The following ZNF385D variants were observed in gnomAD, a reference collection of about 807,000 sequenced individuals.
ZNF385D encodes zinc finger protein 385D.
In ZNF385D, 15 loss-of-function variants were observed where a neutral mutation model predicts 35.8. That is an observed-to-expected ratio of 0.42 (90% confidence interval 0.28 to 0.64). ZNF385D has a LOEUF of 0.64. Among genes scored for constraint, ZNF385D ranks in the 30% least tolerant of loss-of-function variants. The pLI is 0.23. For missense variants in ZNF385D, 474 were observed against 494.6 expected, an observed-to-expected ratio of 0.96 and a Z score of 0.39; for synonymous variants, 212 against 186.8, an observed-to-expected ratio of 1.13 and a Z score of -1.10.
chr3:21,768,340 GA>G (rs1419605429), intron 3 of ZNF385D, among the ~76,000 whole-genome samples: 1 of 151,984 alleles, frequency 6.6e-6, no homozygotes, highest in Non-Finnish European at 1.5e-5. Flanking sequence ...ATTAACATAA[GA>G]AATAAATTTG....
At chr3:21,813,632 TGAGAA>T (rs1391528667) in intron 3 of ZNF385D, among the ~76,000 whole-genome samples, 1 of 151,974 alleles carries the variant, frequency 6.6e-6, no homozygotes, top group East Asian at 1.9e-4. Flanking sequence ...TGAAATGAAG[TGAGAA>T]GAGAAGTTTA....
intron 2 of ZNF385D, among the ~76,000 whole-genome samples, chr3:21,615,588 C>A (rs1411257804): frequency 2.0e-5 from 3 of 151,992 alleles, no homozygotes; most frequent in Admixed American, 2.0e-4. Context: ...TATTCTCACC[C>A]CAATGTTCTT....
chr3:22,199,815 G>T (rs1326014441), intron 2 of ZNF385D, among the ~76,000 whole-genome samples: 2 of 152,092 alleles, frequency 1.3e-5, no homozygotes, highest in Non-Finnish European at 2.9e-5. Flanking sequence ...ATGCATATAT[G>T]TGGTGTATAC....
intron 7 of ZNF385D, among the ~76,000 whole-genome samples, chr3:21,422,906 C>T (rs1700811401): frequency 6.6e-6 from 1 of 152,158 alleles, no homozygotes; most frequent in African/African-American, 2.4e-5. Context: ...AAGCTGGAAG[C>T]ATTACCCTTA....
intron 2 of ZNF385D, among the ~76,000 whole-genome samples, chr3:22,178,866 G>C (rs1211632156): frequency 1.3e-5 from 2 of 151,962 alleles, no homozygotes; most frequent in Non-Finnish European, 2.9e-5. Flanking sequence ...TCTTGTTTTT[G>C]CCAGGTTTGT....
intron 1 of ZNF385D, among the ~76,000 whole-genome samples, chr3:21,731,364 G>C (rs1368804238): frequency 6.6e-6 from 1 of 151,826 alleles, no homozygotes; most frequent in Admixed American, 6.6e-5. Context: ...AGCAGTTTTA[G>C]GCTCACAGCC....
chr3:21,761,934 A>G (rs2070634089), intron 3 of ZNF385D, among the ~76,000 whole-genome samples: 1 of 119,826 alleles, frequency 8.3e-6, no homozygotes, highest in African/African-American at 3.3e-5. Flanking sequence ...GTTGGAGTGC[A>G]GTGGCGCGAT....
rs191196452 is a variant in ZNF385D, at chr3:22,131,707, T to C, written c.325+37110A>G. Among the ~76,000 whole-genome samples the C allele has an allele frequency of 3.7e-4, 56 of 152,274 alleles. 1 individual carries two copies. Among genetic ancestry groups the C allele is most frequent in the Non-Finnish European group, 6.5e-4 (44 of 68,016 alleles). Reference sequence around the variant, plus strand: ...GCATATGACTACAGATCCAGGCAGCTAGGGAGATATCACAGAGGGAGTTTT... The same window carrying C: ...GCATATGACTACAGATCCAGGCAGCCAGGGAGATATCACAGAGGGAGTTTT... On this transcript the variant is annotated intron_variant, in intron 3 of 5. Coordinates refer to the ZNF385D transcript ENST00000494108.
chr3:21,624,699 C>T (rs770874988), intron 2 of ZNF385D, among the ~76,000 whole-genome samples: 22 of 152,036 alleles, frequency 1.4e-4, no homozygotes, highest in Non-Finnish European at 2.5e-4. Flanking sequence ...GAAGACCCAA[C>T]TCAAGCAGCA....
chr3:21,874,616 A>G (rs1290212387), intron 3 of ZNF385D, among the ~76,000 whole-genome samples: 1 of 152,088 alleles, frequency 6.6e-6, no homozygotes, highest in Admixed American at 6.6e-5. Context: ...GCTTTGTAAT[A>G]TGTTTCAAAA....
At chr3:21,546,838 C>T (rs2125583214) in intron 3 of ZNF385D, among the ~76,000 whole-genome samples, 1 of 4,694 alleles carries the variant, frequency 2.1e-4, no homozygotes, top group South Asian at 2.3e-3. Context: ...ATTCTCTAGC[C>T]CCCCCCGCTT....
chr3:22,087,547 T>C (rs1404677731), intron 3 of ZNF385D, among the ~76,000 whole-genome samples: 1 of 152,082 alleles, frequency 6.6e-6, no homozygotes, highest in Non-Finnish European at 1.5e-5. Flanking sequence ...ACCAGGGAGA[T>C]TTTTCTTGGA....
intron 1 of ZNF385D, among the ~76,000 whole-genome samples, chr3:21,708,146 T>A (rs2067975113): frequency 6.6e-6 from 1 of 152,242 alleles, no homozygotes; most frequent in African/African-American, 2.4e-5. Context: ...ATCCTAAGCA[T>A]CAGTTTAAAT....
At chr3:21,911,829 G>C (rs1445843262) in intron 3 of ZNF385D, among the ~76,000 whole-genome samples, 1 of 151,820 alleles carries the variant, frequency 6.6e-6, no homozygotes, top group Non-Finnish European at 1.5e-5. Context: ...TAGACAAGTG[G>C]TGCTTTATAA....
intron 2 of ZNF385D, among the ~76,000 whole-genome samples, chr3:21,603,628 T>C (rs1031455395): frequency 6.6e-6 from 1 of 151,848 alleles, no homozygotes; most frequent in African/African-American, 2.4e-5. Flanking sequence ...CTAATATGAT[T>C]ACATTTGTTT....
chr3:22,070,870 T>G (rs1324820420), intron 3 of ZNF385D, among the ~76,000 whole-genome samples: 4 of 152,176 alleles, frequency 2.6e-5, no homozygotes, highest in Admixed American at 2.6e-4. Context: ...TCACTTTTGT[T>G]AAGTTTTCTT....
intron 3 of ZNF385D, among the ~76,000 whole-genome samples, chr3:21,893,515 A>C (rs564118544): frequency 6.6e-6 from 1 of 152,296 alleles, no homozygotes; most frequent in African/African-American, 2.4e-5. Context: ...AAGGCTACTT[A>C]ACTAGCCTTT....
At position 21,661,734 on chromosome 3, in the gene ZNF385D, T is replaced by C. The variant is rs143648857; in HGVS notation, c.165+3152A>G. On this transcript the variant is annotated intron_variant, in intron 2 of 7. Coordinates refer to ENST00000281523, the MANE Select transcript of ZNF385D (RefSeq NM_024697.3). ...AGCTTCTGTTGTGGCTCCTTAAAAG[T>C]TGGCTTTGAGGAGACTAAGGGATCC... Among the ~76,000 whole-genome samples the C allele has an allele frequency of 8.8e-4, 134 of 152,282 alleles. 1 individual carries two copies. In the Middle Eastern group the frequency reaches 0.01, roughly 12 times the overall value.
At chr3:21,432,848 T>G (rs1701362493) in intron 5 of ZNF385D, among the ~76,000 whole-genome samples, 1 of 151,806 alleles carries the variant, frequency 6.6e-6, no homozygotes, top group African/African-American at 2.4e-5. Flanking sequence ...TCTAATCTTA[T>G]GGAATATATA....
Sources: gnomAD v4.1 joint callset for allele counts (sites outside exome capture counted in the v4.1 genomes callset) on GRCh38, gnomAD v4.1.1 for gene constraint, MANE v1.5 for transcripts, NCBI Gene and HGNC (gene_info 2026-07-23, HGNC 2026-07-21) for gene names.